NTRK3: variants seen among roughly 807,000 people sequenced by gnomAD.
NTRK3 encodes NT-3 growth factor receptor.
Under a neutral mutation model 91.7 loss-of-function variants are expected in NTRK3, and 24 were observed. The ratio of observed to expected loss-of-function variants is 0.26; its 90% CI spans 0.19 to 0.37. NTRK3 has a LOEUF of 0.37. Among genes scored for constraint, NTRK3 ranks in the 10% least tolerant of loss-of-function variants. The probability of loss-of-function intolerance (pLI) is 1.00; values close to 1 mark genes in which losing one functional copy is unlikely to be tolerated. For missense variants in NTRK3, 880 were observed against 1,068.9 expected, an observed-to-expected ratio of 0.82 and a Z score of 2.46; for synonymous variants, 483 against 404.0, an observed-to-expected ratio of 1.20 and a Z score of -2.34.
chr15:87,907,357 T>G (rs1012339950), intron 17 of NTRK3, among the ~76,000 whole-genome samples: 4 of 152,142 alleles, frequency 2.6e-5, no homozygotes, highest in Admixed American at 1.3e-4. Flanking sequence ...AATCTTAAAC[T>G]TTCATGCTGT....
chr15:88,216,734 G>T (rs1006700209), intron 3 of NTRK3, among the ~76,000 whole-genome samples: 5 of 152,114 alleles, frequency 3.3e-5, no homozygotes, highest in African/African-American at 1.2e-4. Context: ...CTCCTCTTAG[G>T]GGAGCCCAGC....
chr15:88,043,304 A>G (rs2079837822), intron 13 of NTRK3, among the ~76,000 whole-genome samples: 1 of 152,252 alleles, frequency 6.6e-6, no homozygotes. Flanking sequence ...ACTGGAATAC[A>G]AAATGCTGGG....
rs746456205 is a variant in NTRK3, at chr15:88,241,151, C to A, written c.248+14755G>T. Among the ~76,000 whole-genome samples the A allele has an allele frequency of 6.6e-6, 1 of 152,190 alleles. No homozygotes were observed. The highest frequency in any genetic ancestry group is 2.4e-5 in the African/African-American group (1 of 41,448). ...CAAGCTAATGCCATATAGGACACAT[C>A]GTGGGGCTCCCGAGGGTGTCAGCTG... On this transcript the variant is annotated intron_variant, in intron 3 of 18. Transcript: ENST00000394480. The surrounding 1 kb of genome is among the most constrained non-coding windows in gnomAD (Gnocchi z 4.3).
At chr15:87,899,961 A>G (rs1474646136) in intron 17 of NTRK3, among the ~76,000 whole-genome samples, 3 of 152,174 alleles carry the variant, frequency 2.0e-5, no homozygotes, top group Admixed American at 6.5e-5. Context: ...TCTTCATCCA[A>G]TGGAAAATGG....
chr15:87,949,662 A>G (rs1004681353), intron 14 of NTRK3, among the ~76,000 whole-genome samples: 5 of 152,118 alleles, frequency 3.3e-5, no homozygotes, highest in Non-Finnish European at 7.4e-5. Flanking sequence ...CCATGAGCTC[A>G]GACACCAACC....
chr15:88,091,463 A>G (rs1329100927), intron 13 of NTRK3, among the ~76,000 whole-genome samples: 4 of 152,258 alleles, frequency 2.6e-5, no homozygotes, highest in African/African-American at 9.6e-5. Flanking sequence ...CCCATTGATC[A>G]AATGGCAGTG....
intron 13 of NTRK3, among the ~76,000 whole-genome samples, chr15:88,109,251 C>T (rs1224899752): frequency 1.3e-5 from 2 of 152,144 alleles, no homozygotes; most frequent in African/African-American, 4.8e-5. Context: ...AGTAGCCAGG[C>T]CTCACGCAGA....
At chr15:88,166,127 C>T (rs985688144) in intron 5 of NTRK3, among the ~76,000 whole-genome samples, 1 of 152,174 alleles carries the variant, frequency 6.6e-6, no homozygotes, top group South Asian at 2.1e-4. Context: ...ACAGACCTGA[C>T]CCTGGGAGCT....
intron 17 of NTRK3, among the ~76,000 whole-genome samples, chr15:87,919,227 T>C (rs577723355): frequency 3.3e-4 from 51 of 152,342 alleles, no homozygotes; most frequent in Non-Finnish European, 7.2e-4. Flanking sequence ...AGACTGAATC[T>C]AGGCTTCTTG....
At chr15:87,878,131 C>T (rs1299820993) in intron 18 of NTRK3, among the ~76,000 whole-genome samples, 1 of 152,170 alleles carries the variant, frequency 6.6e-6, no homozygotes, top group Non-Finnish European at 1.5e-5. Context: ...CACTGCATAA[C>T]TTTGGTCAAG....
intron 5 of NTRK3, among the ~76,000 whole-genome samples, chr15:88,150,139 A>G (rs2151336811): frequency 6.6e-6 from 1 of 152,284 alleles, no homozygotes; most frequent in Middle Eastern, 3.4e-3. Context: ...CCTGAAGAAC[A>G]TGCCCCTGGT....
At chr15:87,874,847 C>T in exon 19 of NTRK3, 1 of 231,504 alleles carries the variant, frequency 4.3e-6, no homozygotes, top group Non-Finnish European at 8.5e-6. Context: ...AAAGGAGTTC[C>T]TTGAGGTGGT....
chr15:87,891,683 T>C (rs1205889867), intron 17 of NTRK3, among the ~76,000 whole-genome samples: 1 of 152,206 alleles, frequency 6.6e-6, no homozygotes, highest in African/African-American at 2.4e-5. Flanking sequence ...TTTATAGCTG[T>C]AGAGGATTCC....
At chr15:87,862,617 CT>C (rs2064557757) in exon 19 of NTRK3, 1 of 227,986 alleles carries the variant, frequency 4.4e-6, no homozygotes, top group Non-Finnish European at 8.7e-6. Flanking sequence ...AATGATGACT[CT>C]AAGATGATAT....
intron 14 of NTRK3, among the ~76,000 whole-genome samples, chr15:88,001,495 A>G (rs905050090): frequency 1.3e-5 from 2 of 152,184 alleles, no homozygotes; most frequent in Non-Finnish European, 2.9e-5. Context: ...TCTTAGATCC[A>G]TTTTGAGTTA....
At chr15:87,882,693 T>C (rs1376421292) in intron 17 of NTRK3, among the ~76,000 whole-genome samples, 1 of 152,106 alleles carries the variant, frequency 6.6e-6, no homozygotes, top group Non-Finnish European at 1.5e-5. Context: ...AAAAGAAGCT[T>C]ACAGTGATTA....
intron 14 of NTRK3, among the ~76,000 whole-genome samples, chr15:88,027,429 C>T (rs984236910): frequency 6.6e-6 from 1 of 152,200 alleles, no homozygotes; most frequent in Non-Finnish European, 1.5e-5. Flanking sequence ...GTCGCCCAGG[C>T]TGCAGTGCAG....
At chr15:87,918,149 A>C (rs1339322711) in intron 17 of NTRK3, among the ~76,000 whole-genome samples, 1 of 152,076 alleles carries the variant, frequency 6.6e-6, no homozygotes, top group African/African-American at 2.4e-5. Context: ...TATGGCTACC[A>C]CTGTGGCACA....
intron 13 of NTRK3, among the ~76,000 whole-genome samples, chr15:88,067,364 G>A (rs763100294): frequency 6.6e-6 from 1 of 152,046 alleles, no homozygotes; most frequent in Non-Finnish European, 1.5e-5. Flanking sequence ...TATCTATTTA[G>A]ATAGAATATC....
Sources: gnomAD v4.1 joint callset for allele counts (sites outside exome capture counted in the v4.1 genomes callset) on GRCh38, gnomAD v4.1.1 for gene constraint, Gnocchi (gnomAD v3.1) non-coding constraint, MANE v1.5 for transcripts, NCBI Gene and HGNC (gene_info 2026-07-23, HGNC 2026-07-21) for gene names.